Variants in SCGB2B2 observed in about 807,000 individuals in gnomAD.
SCGB2B2 encodes the protein secretoglobin-like protein.
SCGB2B2 carries 11 observed loss-of-function variants against 7.6 expected under a neutral mutation model. That is an observed-to-expected ratio of 1.45 (90% CI 0.91 to 2.40). SCGB2B2 has a LOEUF of 2.40. SCGB2B2 is among the 30% of genes most tolerant of loss of function. The probability of loss-of-function intolerance (pLI) is 0.00; values close to 1 mark genes in which losing one functional copy is unlikely to be tolerated. For synonymous variants in SCGB2B2, 50 were observed against 48.6 expected, an observed-to-expected ratio of 1.03 and a Z score of -0.12; for missense variants, 104 against 115.4, an observed-to-expected ratio of 0.90 and a Z score of 0.45.
intron 1 of SCGB2B2, among the ~76,000 whole-genome samples, chr19:34,615,268 T>C (rs2066039589): frequency 6.6e-6 from 1 of 152,138 alleles, no homozygotes; most frequent in South Asian, 2.1e-4. Flanking sequence ...TCTAGGCAGC[T>C]TCCTCAGTCA....
intron 1 of SCGB2B2, among the ~76,000 whole-genome samples, chr19:34,631,399 T>G (rs1391602272): frequency 6.6e-6 from 1 of 151,906 alleles, no homozygotes; most frequent in Non-Finnish European, 1.5e-5. Context: ...CTTCTTCCAC[T>G]GTGGGCCAGG....
At chr19:34,634,607 A>G (rs1046000081) in intron 1 of SCGB2B2, among the ~76,000 whole-genome samples, 3 of 152,206 alleles carry the variant, frequency 2.0e-5, no homozygotes, top group African/African-American at 7.2e-5. Context: ...CCAAGCAGAC[A>G]GCATCCTCCC....
chr19:34,645,535 GACACAGA>G (rs2146037561), intron 1 of SCGB2B2: 1 of 136,228 alleles, frequency 7.3e-6, no homozygotes, highest in East Asian at 2.2e-4. Context: ...GACACACACA[GACACAGA>G]CACACACACA....
intron 1 of SCGB2B2, among the ~76,000 whole-genome samples, chr19:34,650,361 T>C (rs1217986646): frequency 6.6e-6 from 1 of 151,342 alleles, no homozygotes; most frequent in South Asian, 2.1e-4. Flanking sequence ...GCCTGACTCA[T>C]ACCAGTATGT....
chr19:34,644,747 T>C (rs374858633), intron 1 of SCGB2B2, among the ~76,000 whole-genome samples: 39 of 152,388 alleles, frequency 2.6e-4, no homozygotes, highest in African/African-American at 9.4e-4. Context: ...TATATTAATA[T>C]ATCACATGTA....
At chr19:34,630,051 G>A (rs1169432721) in intron 1 of SCGB2B2, among the ~76,000 whole-genome samples, 1 of 151,902 alleles carries the variant, frequency 6.6e-6, no homozygotes, top group African/African-American at 2.4e-5. Flanking sequence ...GGGAAAACTG[G>A]CTAGCCATAT....
intron 1 of SCGB2B2, among the ~76,000 whole-genome samples, chr19:34,610,921 A>G (rs1389286239): frequency 6.6e-6 from 1 of 152,128 alleles, no homozygotes; most frequent in Non-Finnish European, 1.5e-5. Flanking sequence ...AATATTTTGT[A>G]GAATTCTGGA....
At chr19:34,635,126 G>T in intron 1 of SCGB2B2, 1 of 279,424 alleles carries the variant, frequency 3.6e-6, no homozygotes, top group Non-Finnish European at 7.5e-6. Context: ...ATTCTCTGGT[G>T]TTCAATAAGG....
At position 34,657,275 on chromosome 19, in the gene SCGB2B2, G is replaced by A. The variant is rs574811285; in HGVS notation, c.-2032+18355C>T. ...CAACATTAACCTTAAATGTAAATGGGCTAAATGCTCCAATTAAAACATAGA... is the reference window on the plus strand; with the variant it reads ...CAACATTAACCTTAAATGTAAATGGACTAAATGCTCCAATTAAAACATAGA... On this transcript the variant is annotated intron_variant, in intron 1 of 3. Transcript: ENST00000601241. Among the ~76,000 whole-genome samples the A allele has an allele frequency of 2.3e-3, 347 of 151,176 alleles. 30 individuals are homozygous for A. The highest frequency in any genetic ancestry group is 8.0e-3 in the African/African-American group (326 of 40,528).
intron 1 of SCGB2B2, among the ~76,000 whole-genome samples, chr19:34,672,559 G>A (rs2067829214): frequency 6.6e-6 from 1 of 152,082 alleles, no homozygotes; most frequent in Non-Finnish European, 1.5e-5. Context: ...GGAGATTCCT[G>A]GGTATCCATC....
chr19:34,656,621 C>G (rs1452936404), intron 1 of SCGB2B2, among the ~76,000 whole-genome samples: 1 of 151,114 alleles, frequency 6.6e-6, no homozygotes, highest in Non-Finnish European at 1.5e-5. Flanking sequence ...TTTAAAAATT[C>G]TCTTAGAAAA....
chr19:34,621,554 G>GA (rs34423335), intron 1 of SCGB2B2, among the ~76,000 whole-genome samples: 13,795 of 142,984 alleles, frequency 0.096, 724 homozygotes, highest in South Asian at 0.19. Flanking sequence ...AGTCAACTGA[G>GA]AAAAAAAAAA....
chr19:34,667,042 G>A (rs1260619996), intron 1 of SCGB2B2, among the ~76,000 whole-genome samples: 7 of 151,994 alleles, frequency 4.6e-5, no homozygotes, highest in Non-Finnish European at 1.0e-4. Context: ...CACGACCCCC[G>A]AGGAGGGACA....
chr19:34,600,082 T>C (rs1237185182), intron 1 of SCGB2B2, among the ~76,000 whole-genome samples: 1 of 152,208 alleles, frequency 6.6e-6, no homozygotes, highest in Non-Finnish European at 1.5e-5. Flanking sequence ...GTACACAACG[T>C]GCAGGTTTGT....
At chr19:34,608,684 T>TACAC (rs1555744845) in intron 1 of SCGB2B2, 1 of 126,622 alleles carries the variant, frequency 7.9e-6, no homozygotes, top group African/African-American at 2.9e-5. Flanking sequence ...TATATATATA[T>TACAC]ACCGTATTTT....
intron 1 of SCGB2B2, among the ~76,000 whole-genome samples, chr19:34,654,909 C>T (rs779081171): frequency 1.3e-5 from 2 of 151,206 alleles, no homozygotes; most frequent in Non-Finnish European, 2.9e-5. Flanking sequence ...CCACGGTCTC[C>T]CTGAATTGAT....
At chr19:34,598,727 C>CT (rs1323139443) in intron 1 of SCGB2B2, among the ~76,000 whole-genome samples, 2 of 151,308 alleles carry the variant, frequency 1.3e-5, no homozygotes, top group African/African-American at 4.8e-5. Context: ...TGTGACAGGT[C>CT]CGTGCCCTGG....
chr19:34,609,012 C>T (rs958433819), intron 1 of SCGB2B2, among the ~76,000 whole-genome samples: 12 of 152,020 alleles, frequency 7.9e-5, no homozygotes, highest in African/African-American at 2.7e-4. Flanking sequence ...TAATACCCAT[C>T]CCTACTGAGG....
chr19:34,594,702 T>TGTGA lies in SCGB2B2; in HGVS notation c.-140_-139insTCAC. The TGTGA allele has an allele frequency of 1.5e-6, 1 of 650,456 alleles. No individual in the cohort carries two copies. Among genetic ancestry groups the TGTGA allele is most frequent in the South Asian group, 1.8e-5 (1 of 55,224 alleles). The allele number at this position is 650,456 out of a possible 1,614,324, so 40.3% of individuals were successfully genotyped here. On this transcript the variant is annotated 5_prime_UTR_variant, in exon 2 of 4. It removes the in-frame stop codon of an upstream open reading frame in the 5' UTR. Coordinates refer to ENST00000601241, the MANE Select transcript of SCGB2B2 (RefSeq NM_001025591.4). ...GTGTGTGTGTGTGTGTGTGTGTGTGTGAATGTGGTCAGGGCAGGTCTGCAG... is the reference window on the plus strand; with the variant it reads ...GTGTGTGTGTGTGTGTGTGTGTGTGTGTGAGAATGTGGTCAGGGCAGGTCTGCAG...
Sources: allele counts gnomAD v4.1 joint callset (sites outside exome capture counted in the v4.1 genomes callset), GRCh38; gene constraint gnomAD v4.1.1; transcripts MANE v1.5; gene names NCBI Gene and HGNC (gene_info 2026-07-23, HGNC 2026-07-21).